Variants in MME observed in about 807,000 individuals in gnomAD.
The protein encoded by MME is membrane metalloendopeptidase.
In MME, 98 loss-of-function variants were observed where a neutral mutation model predicts 113.2. That is an observed-to-expected ratio of 0.87 (90% CI 0.74 to 1.02). The LOEUF (loss-of-function observed/expected upper bound fraction) is 1.02, where lower values mean the gene tolerates loss of function less well. Ranked by LOEUF, MME falls within the 50% of genes least tolerant of loss-of-function variation. The pLI is 0.00. For missense variants in MME, 836 were observed against 896.0 expected, an observed-to-expected ratio of 0.93 and a Z score of 0.86; for synonymous variants, 292 against 300.6, an observed-to-expected ratio of 0.97 and a Z score of 0.30.
At chr3:155,066,503 C>T (rs566303602) in intron 1 of MME, among the ~76,000 whole-genome samples, 65 of 152,206 alleles carry the variant, frequency 4.3e-4, no homozygotes, top group African/African-American at 1.4e-3. Context: ...TGAGTATCGT[C>T]GTTTGAAAGT....
At position 155,116,507 on chromosome 3, in the gene MME, T is replaced by A; in HGVS notation, c.387T>A (p.Asp129Glu). 1.2e-6 allele frequency: 2 copies of A among 1,612,598 alleles called. No homozygotes were observed. The highest frequency in any genetic ancestry group is 1.7e-6 in the Non-Finnish European group (2 of 1,178,952). The change falls in exon 5 of 23, where the codon GAT (aspartate) becomes GAA (glutamate). Residue 129 changes from aspartate (D) to glutamate (E), a missense_variant. Asp to Glu is a conservative substitution (Grantham distance 45). Coordinates refer to ENST00000360490, the MANE Select transcript of MME (RefSeq NM_007289.4). ...KDVLQEPKTE[D>E]IVAVQKAKAL... Reference sequence around the variant, plus strand: ...TCCTTCAAGAACCCAAAACTGAAGATATAGTAGCAGTGCAGAAAGCAAAAG... The same window carrying A: ...TCCTTCAAGAACCCAAAACTGAAGAAATAGTAGCAGTGCAGAAAGCAAAAG...
At chr3:155,160,253 C>A in intron 16 of MME, 137 bp from the exon 17 acceptor site, 1 of 707,396 alleles carries the variant, frequency 1.4e-6, no homozygotes, top group South Asian at 1.6e-5. Flanking sequence ...ACCTAGTGAA[C>A]TAATTTTAAT....
chr3:155,078,568 C>A (rs1361436449), upstream of MME, among the ~76,000 whole-genome samples: 1 of 151,878 alleles, frequency 6.6e-6, no homozygotes, highest in Non-Finnish European at 1.5e-5. Flanking sequence ...TCTTCTCAAG[C>A]AGCAAATCAT....
intron 3 of MME, among the ~76,000 whole-genome samples, chr3:155,102,148 C>T (rs1372083454): frequency 6.6e-6 from 1 of 152,056 alleles, no homozygotes; most frequent in African/African-American, 2.4e-5. Context: ...GGGATAGTAA[C>T]AGGAAAAAGA....
chr3:155,085,946 G>A (rs753933131), intron 3 of MME, among the ~76,000 whole-genome samples: 5 of 152,194 alleles, frequency 3.3e-5, no homozygotes, highest in Non-Finnish European at 7.3e-5. Flanking sequence ...AAAAGTGTAC[G>A]CTTGATAGAA....
At chr3:155,097,884 G>C (rs1576579899) in intron 3 of MME, among the ~76,000 whole-genome samples, 2 of 152,148 alleles carry the variant, frequency 1.3e-5, no homozygotes, top group East Asian at 3.9e-4. Flanking sequence ...GAAATGGAAG[G>C]CTATAACTTG....
chr3:155,085,144 T>C, intron 3 of MME, 50 bp downstream of exon 3: 1 of 1,180,236 alleles, frequency 8.5e-7, no homozygotes, highest in South Asian at 1.4e-5. Context: ...TGTATAATAT[T>C]TAAAATTAAA....
intron 8 of MME, among the ~76,000 whole-genome samples, chr3:155,133,474 A>G (rs867616910): frequency 6.6e-6 from 1 of 151,638 alleles, no homozygotes; most frequent in Non-Finnish European, 1.5e-5. Context: ...CTTATATCAA[A>G]GTTCTATAGT....
intron 3 of MME, among the ~76,000 whole-genome samples, chr3:155,100,206 A>G (rs1293660459): frequency 2.6e-5 from 4 of 152,198 alleles, no homozygotes; most frequent in Non-Finnish European, 4.4e-5. Flanking sequence ...AATTTACAAG[A>G]AAAAAACAAG....
At chr3:155,082,066 C>G (rs558972123) in intron 1 of MME, 9 of 152,214 alleles carry the variant, frequency 5.9e-5, no homozygotes, top group African/African-American at 1.9e-4. Flanking sequence ...TACCCAGTCT[C>G]AAGGGTAAGG....
chr3:155,140,896 G>A (rs2016848), intron 10 of MME, among the ~76,000 whole-genome samples: 59,279 of 151,706 alleles, frequency 0.39, 11,777 homozygotes, highest in South Asian at 0.56. Context: ...AGAACTTCCC[G>A]TGTTCTCATC....
At chr3:155,037,982 T>C (rs1348830177) in intron 1 of MME, among the ~76,000 whole-genome samples, 1 of 151,918 alleles carries the variant, frequency 6.6e-6, no homozygotes, top group African/African-American at 2.4e-5. Context: ...AGAGATGAAG[T>C]CAGGTATGTG....
chr3:155,033,891 A>T (rs1466272451), intron 1 of MME, among the ~76,000 whole-genome samples: 1 of 152,190 alleles, frequency 6.6e-6, no homozygotes, highest in East Asian at 1.9e-4. Context: ...CTTCCCTTGG[A>T]CCAGAATAAA....
intron 8 of MME, among the ~76,000 whole-genome samples, chr3:155,134,138 T>C (rs1227299643): frequency 1.3e-5 from 2 of 152,086 alleles, no homozygotes; most frequent in Non-Finnish European, 2.9e-5. Context: ...AAAAATATAA[T>C]TTCAAGTTTT....
At chr3:155,140,586 C>A (rs1386953093) in intron 10 of MME, among the ~76,000 whole-genome samples, 1 of 151,556 alleles carries the variant, frequency 6.6e-6, no homozygotes, top group East Asian at 1.9e-4. Context: ...CTGGCTAATT[C>A]TTGTATTTTT....
intron 3 of MME, among the ~76,000 whole-genome samples, chr3:155,094,849 G>A (rs2196521): frequency 0.9 from 137,624 of 152,258 alleles, 62,480 homozygotes; most frequent in African/African-American, 0.98. Flanking sequence ...TTAATCCCTT[G>A]AAGTAAGTAA....
chr3:155,100,993 T>A (rs993989788), intron 3 of MME, among the ~76,000 whole-genome samples: 1 of 152,202 alleles, frequency 6.6e-6, no homozygotes, highest in Admixed American at 6.6e-5. Flanking sequence ...ATTTGGATCA[T>A]GGGGGCAGAT....
At chr3:155,167,588 A>G (rs1559962592) in intron 18 of MME, among the ~76,000 whole-genome samples, 1 of 152,198 alleles carries the variant, frequency 6.6e-6, no homozygotes, top group Non-Finnish European at 1.5e-5. Flanking sequence ...AAATATGTAA[A>G]GAGGTGATAG....
At chr3:155,133,773 GTA>G (rs1335322905) in intron 8 of MME, among the ~76,000 whole-genome samples, 1 of 145,484 alleles carries the variant, frequency 6.9e-6, no homozygotes, top group African/African-American at 2.5e-5. Context: ...TATATGGTGT[GTA>G]TATATATATG....
Sources: gnomAD v4.1 joint callset for allele counts (sites outside exome capture counted in the v4.1 genomes callset) on GRCh38, gnomAD v4.1.1 for gene constraint, MANE v1.5 for transcripts, NCBI Gene and HGNC (gene_info 2026-07-23, HGNC 2026-07-21) for gene names.